TANC2: variants seen among roughly 807,000 people sequenced by gnomAD.
TANC2 encodes tetratricopeptide repeat, ankyrin repeat and coiled-coil containing 2.
In TANC2, 26 loss-of-function variants were observed where a neutral mutation model predicts 210.5. That is an observed-to-expected ratio of 0.12 (90% CI 0.09 to 0.17). TANC2 has a LOEUF of 0.17. Ranked by LOEUF, TANC2 falls within the 10% of genes least tolerant of loss-of-function variation. TANC2 has a pLI of 1.00. For synonymous variants in TANC2, 931 were observed against 967.1 expected, an observed-to-expected ratio of 0.96 and a Z score of 0.69; for missense variants, 2,129 against 2,608.9, an observed-to-expected ratio of 0.82 and a Z score of 4.01.
intron 14 of TANC2, among the ~76,000 whole-genome samples, chr17:63,373,407 T>C (rs1385431043): frequency 6.6e-6 from 1 of 152,238 alleles, no homozygotes; most frequent in Non-Finnish European, 1.5e-5. Flanking sequence ...TATTGTTCTT[T>C]ACAGTGGTGG....
chr17:63,189,936 G>A (rs1407740920), intron 5 of TANC2, among the ~76,000 whole-genome samples: 1 of 152,148 alleles, frequency 6.6e-6, no homozygotes, highest in African/African-American at 2.4e-5. Context: ...TGATATATGA[G>A]GTAGGGCTTC....
intron 2 of TANC2, among the ~76,000 whole-genome samples, chr17:63,048,055 G>A (rs2035446929): frequency 6.6e-6 from 1 of 152,128 alleles, no homozygotes; most frequent in Non-Finnish European, 1.5e-5. Flanking sequence ...AGAGATAAAG[G>A]CGTTTCTTTA....
chr17:63,412,706 C>A lies in TANC2; in HGVS notation c.3925C>A (p.Arg1309=), dbSNP rs1300898054. ...TTGTCAGACGTTACCGAGTCGCCCACGAGGTATATTTCACCGCTGTCAGCA... is the reference window on the plus strand; with the variant it reads ...TTGTCAGACGTTACCGAGTCGCCCAAGAGGTATATTTCACCGCTGTCAGCA... Residue 1309 remains arginine (R), a synonymous_variant, in exon 24 of 28, where the codon CGA becomes AGA. Transcript: ENST00000689528. This position sits in a 1 kb window ranked among gnomAD's most constrained non-coding sequence, Gnocchi z 4.2. The A allele has an allele frequency of 7.2e-6, 11 of 1,535,574 alleles. No individual in the cohort carries two copies. Among genetic ancestry groups the A allele is most frequent in the African/African-American group, 1.4e-5 (1 of 72,838 alleles).
intron 9 of TANC2, among the ~76,000 whole-genome samples, chr17:63,277,605 G>A (rs767140942): frequency 1.3e-5 from 2 of 151,550 alleles, no homozygotes; most frequent in East Asian, 1.9e-4. Flanking sequence ...AAGAAAACAA[G>A]TTACAGTTTA....
chr17:63,248,545 A>T (rs962347941), intron 8 of TANC2, among the ~76,000 whole-genome samples: 3 of 152,158 alleles, frequency 2.0e-5, no homozygotes, highest in Non-Finnish European at 4.4e-5. Context: ...AGTAACTTTT[A>T]AAAACCTGGG....
At chr17:62,967,948 T>G (rs953857374) in intron 1 of TANC2, among the ~76,000 whole-genome samples, 2 of 152,160 alleles carry the variant, frequency 1.3e-5, no homozygotes, top group Non-Finnish European at 2.9e-5. Flanking sequence ...GAGCACGAAA[T>G]AAAACGTTAA....
rs139820900 is a variant in TANC2, at chr17:63,247,488, T to TAA, written c.1033+9420_1033+9421dup. Among the ~76,000 whole-genome samples the TAA allele has an allele frequency of 2.4e-3, 356 of 149,730 alleles. 5 individuals carry two copies. The highest frequency in any genetic ancestry group is 7.5e-3 in the African/African-American group (306 of 40,856). On this transcript the variant is annotated intron_variant, in intron 8 of 27. Transcript: ENST00000689528. ...GTCCCTCCTCTTCCCCTACTCATGT[T>TAA]AAAAAAAAAATAGAAACAATTACAT...
intron 14 of TANC2, among the ~76,000 whole-genome samples, chr17:63,377,498 C>T (rs2047461402): frequency 1.3e-5 from 2 of 152,198 alleles, no homozygotes; most frequent in Non-Finnish European, 1.5e-5. Context: ...GCAAGAGTCA[C>T]CTTTACTCCT....
intron 4 of TANC2, among the ~76,000 whole-genome samples, chr17:63,108,583 G>A (rs899853215): frequency 5.3e-5 from 8 of 151,784 alleles, no homozygotes; most frequent in South Asian, 2.1e-4. Flanking sequence ...AGGCCGAGGC[G>A]GGCAGATCAG....
At chr17:63,107,035 A>G (rs1206135922) in intron 4 of TANC2, among the ~76,000 whole-genome samples, 3 of 151,696 alleles carry the variant, frequency 2.0e-5, no homozygotes, top group Non-Finnish European at 2.9e-5. Flanking sequence ...GAGAGAGCCA[A>G]AATAACAAGT....
intron 12 of TANC2, among the ~76,000 whole-genome samples, chr17:63,350,690 C>G (rs1042857923): frequency 6.6e-6 from 1 of 152,126 alleles, no homozygotes; most frequent in Non-Finnish European, 1.5e-5. Context: ...ATCTAGCCAC[C>G]TGGTTCAACT....
At chr17:63,419,279 C>T (rs1203505465) in intron 27 of TANC2, among the ~76,000 whole-genome samples, 1 of 151,744 alleles carries the variant, frequency 6.6e-6, no homozygotes, top group East Asian at 2.0e-4. Context: ...GACTGAAATT[C>T]TCCTTCCCTC....
At chr17:63,391,179 C>T (rs1468138108) in intron 17 of TANC2, 1 of 152,090 alleles carries the variant, frequency 6.6e-6, no homozygotes, top group African/African-American at 2.4e-5. Flanking sequence ...AGAAACCTAC[C>T]TAACCTAAAA....
chr17:63,354,771 C>G lies in TANC2; in HGVS notation c.1975-12C>G. ...GGTCTTTCTGTCTCTTTCTCTCTCT[C>G]CATCTTTTTAGGAAATTACCAAGCT... is the stretch of plus-strand genomic sequence containing the variant. On this transcript the variant is annotated splice_polypyrimidine_tract_variant and intron_variant, in intron 13 of 27. Coordinates refer to ENST00000689528, the Ensembl canonical transcript of TANC2. The G allele has an allele frequency of 6.5e-7, 1 of 1,546,808 alleles. No individual in the cohort carries two copies. The highest frequency in any genetic ancestry group is 8.7e-7 in the Non-Finnish European group (1 of 1,151,932).
At chr17:63,007,510 C>G (rs970623755) in intron 1 of TANC2, among the ~76,000 whole-genome samples, 1 of 152,134 alleles carries the variant, frequency 6.6e-6, no homozygotes, top group African/African-American at 2.4e-5. Context: ...CATTTATCCA[C>G]AGATCTATGC....
chr17:63,407,664 T>C (rs1246643513), intron 21 of TANC2, among the ~76,000 whole-genome samples: 1 of 152,260 alleles, frequency 6.6e-6, no homozygotes, highest in Admixed American at 6.5e-5. Flanking sequence ...GTTCTGATTT[T>C]TTTAATTAAT....
intron 9 of TANC2, among the ~76,000 whole-genome samples, chr17:63,270,837 G>GC (rs1161693505): frequency 6.6e-6 from 1 of 151,904 alleles, no homozygotes; most frequent in Non-Finnish European, 1.5e-5. Context: ...CCACCAGTAG[G>GC]CCCCAGTGTT....
chr17:63,291,699 C>T (rs1037195261), intron 9 of TANC2, among the ~76,000 whole-genome samples: 1 of 152,054 alleles, frequency 6.6e-6, no homozygotes, highest in South Asian at 2.1e-4. Context: ...TGAGAACTTC[C>T]TAGGTTCTGA....
Position 63,107,201 on chromosome 17 carries a change from A to G in TANC2, c.322+7844A>G, listed in dbSNP as rs1345597862. ...TTGCTTGTCACAAGAAAGTGATTTC[A>G]GTTTCCCTTATAAAGACAAAGTTAT... On this transcript the variant is annotated intron_variant, in intron 4 of 27. Coordinates refer to ENST00000689528, the Ensembl canonical transcript of TANC2. Among the ~76,000 whole-genome samples, 5 of 151,816 alleles carry G rather than the reference A, an allele frequency of 3.3e-5. No individual in the cohort carries two copies. In the East Asian group the frequency reaches 9.6e-4, roughly 29 times the overall value.
Sources: gnomAD v4.1 joint callset for allele counts (sites outside exome capture counted in the v4.1 genomes callset) on GRCh38, gnomAD v4.1.1 for gene constraint, Gnocchi (gnomAD v3.1) non-coding constraint, MANE v1.5 for transcripts, NCBI Gene and HGNC (gene_info 2026-07-23, HGNC 2026-07-21) for gene names.